The following LINGO2 variants were observed in gnomAD, a reference collection of about 807,000 sequenced individuals.
LINGO2 encodes the protein leucine rich repeat and Ig domain containing 2.
LINGO2 carries 14 observed loss-of-function variants against 30.6 expected under a neutral mutation model. The observed-to-expected ratio is 0.46, with a 90% CI of 0.30 to 0.72. The LOEUF is 0.72. Among genes scored for constraint, LINGO2 ranks in the 30% least tolerant of loss-of-function variants. The pLI, the probability that LINGO2 is intolerant of heterozygous loss-of-function variation, is 0.07. For missense variants in LINGO2, 729 were observed against 751.7 expected, an observed-to-expected ratio of 0.97 and a Z score of 0.35; for synonymous variants, 317 against 288.5, an observed-to-expected ratio of 1.10 and a Z score of -1.00.
chr9:28,691,246 T>C, the LINGO2 span, among the ~76,000 whole-genome samples: 1 of 152,218 alleles, frequency 6.6e-6, no homozygotes, highest in Admixed American at 6.5e-5. Context: ...GTTTAAACTG[T>C]ATGATGTCAA....
chr9:28,526,705 T>C (rs1821052727), intron 1 of LINGO2, among the ~76,000 whole-genome samples: 2 of 152,180 alleles, frequency 1.3e-5, no homozygotes, highest in African/African-American at 4.8e-5. Flanking sequence ...CCACTGTGTA[T>C]AGATATCCCT....
chr9:27,969,557 G>C (rs1478797907), intron 5 of LINGO2, among the ~76,000 whole-genome samples: 1 of 152,078 alleles, frequency 6.6e-6, no homozygotes, highest in African/African-American at 2.4e-5. Context: ...CCCTGAGATA[G>C]GAACTGTTCT....
chr9:28,950,496 C>T, the LINGO2 span, among the ~76,000 whole-genome samples: 2 of 152,178 alleles, frequency 1.3e-5, no homozygotes, highest in Admixed American at 1.3e-4. Flanking sequence ...TTAGAAAACC[C>T]CATTGTCTCA....
Position 28,129,092 on chromosome 9 carries a change from G to C in LINGO2, c.-86-116687C>G, listed in dbSNP as rs1827315229. Among the ~76,000 whole-genome samples the C allele has an allele frequency of 6.6e-6, 1 of 152,134 alleles. No individual in the cohort carries two copies. Among genetic ancestry groups the C allele is most frequent in the South Asian group, 2.1e-4 (1 of 4,824 alleles). Reference sequence around the variant, plus strand: ...GTCTTGGACTTAACACCAGAGGTTTGCCAGAGGCTCTCAGGCCTTTGACCA... The same window carrying C: ...GTCTTGGACTTAACACCAGAGGTTTCCCAGAGGCTCTCAGGCCTTTGACCA... On this transcript the variant is annotated intron_variant, in intron 4 of 5. Coordinates refer to ENST00000379992, the Ensembl canonical transcript of LINGO2. This position sits in a 1 kb window ranked among gnomAD's most constrained non-coding sequence, Gnocchi z 4.0.
At chr9:28,536,040 TG>T (rs1821425383) in intron 1 of LINGO2, among the ~76,000 whole-genome samples, 1 of 152,160 alleles carries the variant, frequency 6.6e-6, no homozygotes, top group Non-Finnish European at 1.5e-5. Context: ...AATAATTAGA[TG>T]ATTTAATTTT....
At chr9:27,946,587 C>A (rs765111205), downstream of LINGO2, among the ~76,000 whole-genome samples, 1 of 152,106 alleles carries the variant, frequency 6.6e-6, no homozygotes, top group Non-Finnish European at 1.5e-5. Flanking sequence ...TCACACAATG[C>A]TGCAAAATAG....
intron 4 of LINGO2, among the ~76,000 whole-genome samples, chr9:28,054,283 C>G (rs1375763280): frequency 6.6e-6 from 1 of 152,072 alleles, no homozygotes; most frequent in African/African-American, 2.4e-5. Context: ...TCAGTTCAAC[C>G]AGCAGGAGCT....
chr9:29,071,588 A>T, the LINGO2 span, among the ~76,000 whole-genome samples: 1 of 150,568 alleles, frequency 6.6e-6, no homozygotes, highest in Non-Finnish European at 1.5e-5. Context: ...AATCTTAAAC[A>T]GAACAATTTA....
chr9:28,595,006 C>G (rs1317447533), intron 1 of LINGO2, among the ~76,000 whole-genome samples: 2 of 152,012 alleles, frequency 1.3e-5, no homozygotes, highest in African/African-American at 4.8e-5. Context: ...TGAGTAAATT[C>G]ACAGTCATTA....
chr9:29,035,052 G>T, the LINGO2 span, among the ~76,000 whole-genome samples: 4 of 152,004 alleles, frequency 2.6e-5, no homozygotes, highest in African/African-American at 4.8e-5. Flanking sequence ...CAATTTAACT[G>T]CATTATTAAA....
chr9:28,436,455 T>C (rs1460678030), intron 2 of LINGO2, among the ~76,000 whole-genome samples: 1 of 150,404 alleles, frequency 6.6e-6, no homozygotes, highest in East Asian at 2.0e-4. Flanking sequence ...TATTTATTTA[T>C]TTATTTATTT....
At chr9:29,110,006 T>C in the LINGO2 span, among the ~76,000 whole-genome samples, 7 of 152,160 alleles carry the variant, frequency 4.6e-5, no homozygotes, top group African/African-American at 1.7e-4. Flanking sequence ...ATGGAGGATG[T>C]AGAAGAATTT....
intron 1 of LINGO2, among the ~76,000 whole-genome samples, chr9:28,509,090 C>G (rs1405567239): frequency 1.3e-5 from 2 of 152,154 alleles, no homozygotes; most frequent in Non-Finnish European, 2.9e-5. Context: ...CTGCTATGGT[C>G]TAAATCAGCC....
chr9:28,828,175 A>G, the LINGO2 span, among the ~76,000 whole-genome samples: 1 of 151,910 alleles, frequency 6.6e-6, no homozygotes, highest in South Asian at 2.1e-4. Flanking sequence ...ACTTATGAAC[A>G]TAAATGTTAC....
chr9:28,881,125 C>A, the LINGO2 span, among the ~76,000 whole-genome samples: 1 of 152,062 alleles, frequency 6.6e-6, no homozygotes, highest in Admixed American at 6.6e-5. Flanking sequence ...TTTCTCTACA[C>A]TTTGTCTCTG....
the LINGO2 span, among the ~76,000 whole-genome samples, chr9:28,717,106 G>C: frequency 6.6e-6 from 1 of 151,864 alleles, no homozygotes; most frequent in Non-Finnish European, 1.5e-5. Flanking sequence ...GTAGGTGAAG[G>C]CTCTGTCAAG....
At chr9:28,041,389 C>T (rs566597463) in intron 4 of LINGO2, among the ~76,000 whole-genome samples, 20 of 152,236 alleles carry the variant, frequency 1.3e-4, no homozygotes, top group Middle Eastern at 3.4e-3. Context: ...GCTTGGAACT[C>T]TTTACCTGTG....
the LINGO2 span, among the ~76,000 whole-genome samples, chr9:29,190,937 C>G: frequency 6.6e-6 from 1 of 152,062 alleles, no homozygotes; most frequent in Non-Finnish European, 1.5e-5. Flanking sequence ...AAGAACAGAT[C>G]AACATCGAAG....
the LINGO2 span, among the ~76,000 whole-genome samples, chr9:29,173,819 C>A: frequency 6.6e-6 from 1 of 151,978 alleles, no homozygotes; most frequent in Admixed American, 6.6e-5. Flanking sequence ...ATATGTAATT[C>A]ATGAGAATAT....
Sources: allele counts gnomAD v4.1 joint callset (sites outside exome capture counted in the v4.1 genomes callset), GRCh38; gene constraint gnomAD v4.1.1; non-coding constraint Gnocchi (gnomAD v3.1); transcripts MANE v1.5; gene names NCBI Gene and HGNC (gene_info 2026-07-23, HGNC 2026-07-21).